RPH3AL: variants seen among roughly 807,000 people sequenced by gnomAD.
RPH3AL encodes the protein rab effector Noc2.
In RPH3AL, 38 loss-of-function variants were observed where a neutral mutation model predicts 43.1. That is an observed-to-expected ratio of 0.88 (90% CI 0.68 to 1.15). RPH3AL has a LOEUF of 1.15. Among genes scored for constraint, RPH3AL ranks in the 50% most tolerant of loss-of-function variants. The pLI is 0.00. For synonymous variants in RPH3AL, 189 were observed against 176.3 expected, an observed-to-expected ratio of 1.07 and a Z score of -0.57; for missense variants, 462 against 423.2, an observed-to-expected ratio of 1.09 and a Z score of -0.81.
At chr17:350,927 G>A (rs969467344) in intron 1 of RPH3AL, among the ~76,000 whole-genome samples, 4 of 152,096 alleles carry the variant, frequency 2.6e-5, no homozygotes, top group African/African-American at 4.8e-5. Flanking sequence ...CCACTTCCCC[G>A]ACAACATTCC....
chr17:298,977 GC>G (rs2043251686), intron 5 of RPH3AL, among the ~76,000 whole-genome samples: 1 of 151,956 alleles, frequency 6.6e-6, no homozygotes, highest in Non-Finnish European at 1.5e-5. Flanking sequence ...GCAGGCTGCA[GC>G]CGGGGAATGA....
intron 1 of RPH3AL, among the ~76,000 whole-genome samples, chr17:334,757 A>G (rs1377558923): frequency 2.4e-5 from 2 of 82,062 alleles, no homozygotes; most frequent in Admixed American, 1.4e-4. Context: ...GCCTTCCCCC[A>G]GGGCCAGCCC....
At chr17:247,750 C>T (rs772932258) in intron 6 of RPH3AL, 8 of 157,598 alleles carry the variant, frequency 5.1e-5, no homozygotes, top group Admixed American at 1.2e-4. Context: ...CCTCTGTTAC[C>T]GTCTGTATCC....
intron 5 of RPH3AL, among the ~76,000 whole-genome samples, chr17:314,885 T>C (rs1598087640): frequency 6.8e-6 from 1 of 146,386 alleles, no homozygotes; most frequent in African/African-American, 2.6e-5. Context: ...TGACCTGTAG[T>C]CTCTGTGCTC....
chr17:351,000 C>T (rs573146795), intron 1 of RPH3AL, among the ~76,000 whole-genome samples: 44 of 152,296 alleles, frequency 2.9e-4, no homozygotes, highest in African/African-American at 1.1e-3. Context: ...CTTAGCATCT[C>T]CTCCCAGCCC....
chr17:286,938 C>T, intron 5 of RPH3AL, among the ~76,000 whole-genome samples: 1 of 104,224 alleles, frequency 9.6e-6, no homozygotes, highest in Non-Finnish European at 2.1e-5. Flanking sequence ...AGACCTCGCA[C>T]CCTCTCTCTC....
In RPH3AL at chr17:343,852, T is replaced by C. The variant is rs908384162; in HGVS notation, c.-213+8860A>G. 2.0e-5 allele frequency among the ~76,000 whole-genome samples: 3 copies of C among 152,276 alleles called. No individual in the cohort carries two copies. In the East Asian group the frequency reaches 5.8e-4, roughly 29 times the overall value. On this transcript the variant is annotated intron_variant, in intron 1 of 9. Coordinates refer to ENST00000331302, the MANE Select transcript of RPH3AL (RefSeq NM_006987.4). The stretch of plus-strand genomic sequence containing the variant: ...AGTTGAGAAAACCTGATAGAGGTGG[T>C]GTAGGTAACACAACCAGCACAAAGC...
chr17:281,718 G>A (rs2042783972), intron 6 of RPH3AL, 50 bp downstream of exon 6: 1 of 1,295,154 alleles, frequency 7.7e-7, no homozygotes, highest in Non-Finnish European at 1.1e-6. Context: ...CCCATCTGAG[G>A]GCATATCCAG....
intron 7 of RPH3AL, among the ~76,000 whole-genome samples, chr17:220,106 G>T (rs1241018225): frequency 6.6e-6 from 1 of 152,040 alleles, no homozygotes; most frequent in African/African-American, 2.4e-5. Flanking sequence ...CAGATCTGAG[G>T]CCTCCACTCA....
chr17:318,698 G>A (rs868543564), intron 5 of RPH3AL, among the ~76,000 whole-genome samples: 14 of 152,114 alleles, frequency 9.2e-5, no homozygotes, highest in African/African-American at 2.2e-4. Context: ...AAGGCAAGTC[G>A]AAACTCCAGA....
At chr17:341,131 G>T (rs148803243) in intron 1 of RPH3AL, 3 of 147,996 alleles carry the variant, frequency 2.0e-5, no homozygotes, top group Non-Finnish European at 4.4e-5. Flanking sequence ...CCCTGCCCAG[G>T]TCTCCCCACA....
chr17:313,801 G>A (rs999302678), intron 5 of RPH3AL, among the ~76,000 whole-genome samples: 3 of 152,118 alleles, frequency 2.0e-5, no homozygotes, highest in East Asian at 1.9e-4. Flanking sequence ...ATGAATGAAC[G>A]AATGACACCA....
intron 5 of RPH3AL, among the ~76,000 whole-genome samples, chr17:316,020 G>T (rs934156517): frequency 6.5e-4 from 38 of 58,528 alleles, no homozygotes; most frequent in Non-Finnish European, 1.2e-3. Context: ...TAGTCCCTGT[G>T]CCCCCACCTC....
rs1304935641 is a variant in RPH3AL, at chr17:323,926, C to G, written c.78-2511G>C. 6.6e-6 allele frequency among the ~76,000 whole-genome samples: 1 copy of G among 150,986 alleles called. No homozygotes were observed. ...TTACAGTCACCCGGTGAGGTGGGCC[C>G]AGACCCTCAGTCACCCCGAGAGGCA... On this transcript the variant is annotated intron_variant, in intron 3 of 9. Coordinates refer to ENST00000331302, the MANE Select transcript of RPH3AL (RefSeq NM_006987.4). The surrounding 1 kb of genome is among the most constrained non-coding windows in gnomAD (Gnocchi z 4.4).
At chr17:219,983 G>C (rs2040917863) in intron 7 of RPH3AL, among the ~76,000 whole-genome samples, 1 of 152,178 alleles carries the variant, frequency 6.6e-6, no homozygotes. Context: ...GCAGAGAAGA[G>C]TTCACCTGTT....
intron 8 of RPH3AL, among the ~76,000 whole-genome samples, chr17:217,514 C>T (rs371494031): frequency 0.044 from 2,742 of 61,804 alleles, 4 homozygotes; most frequent in African/African-American, 0.14. Context: ...CCTTCTTCTG[C>T]GCTAAAATTG....
At chr17:337,938 A>G (rs1184491438) in intron 1 of RPH3AL, among the ~76,000 whole-genome samples, 4 of 152,144 alleles carry the variant, frequency 2.6e-5, no homozygotes, top group Non-Finnish European at 5.9e-5. Context: ...TCTTCATCTG[A>G]CGCTGTTCTC....
At chr17:275,617 G>A (rs1355017725) in intron 6 of RPH3AL, among the ~76,000 whole-genome samples, 1 of 152,170 alleles carries the variant, frequency 6.6e-6, no homozygotes, top group African/African-American at 2.4e-5. Flanking sequence ...GTGCAATTAC[G>A]GTTCACCGCA....
chr17:218,238 G>A (rs9892005), intron 8 of RPH3AL, among the ~76,000 whole-genome samples: 73 of 75,724 alleles, frequency 9.6e-4, no homozygotes, highest in African/African-American at 2.9e-3. Flanking sequence ...AAGGCATTTC[G>A]TTCCCATCTG....
Sources: gnomAD v4.1 joint callset for allele counts (sites outside exome capture counted in the v4.1 genomes callset) on GRCh38, gnomAD v4.1.1 for gene constraint, Gnocchi (gnomAD v3.1) non-coding constraint, MANE v1.5 for transcripts, NCBI Gene and HGNC (gene_info 2026-07-23, HGNC 2026-07-21) for gene names.